The following SLC30A7 variants were observed in gnomAD, a reference collection of about 807,000 sequenced individuals.
The protein encoded by SLC30A7 is zinc transporter 7.
SLC30A7 carries 35 observed loss-of-function variants against 46.0 expected under a neutral mutation model. The observed-to-expected ratio is 0.76, with a 90% CI of 0.58 to 1.01. SLC30A7 has a LOEUF of 1.01. Ranked by LOEUF, SLC30A7 falls within the 50% of genes least tolerant of loss-of-function variation. The probability of loss-of-function intolerance (pLI) is 0.00; values close to 1 mark genes in which losing one functional copy is unlikely to be tolerated. For synonymous variants in SLC30A7, 147 were observed against 157.8 expected, an observed-to-expected ratio of 0.93 and a Z score of 0.51; for missense variants, 464 against 451.1, an observed-to-expected ratio of 1.03 and a Z score of -0.26.
At chr1:100,915,108 C>CTTTTTCTTT (rs1652394905) in intron 6 of SLC30A7, among the ~76,000 whole-genome samples, 1 of 151,944 alleles carries the variant, frequency 6.6e-6, no homozygotes, top group Non-Finnish European at 1.5e-5. Flanking sequence ...ACTCTCAATT[C>CTTTTTCTTT]TTTCTTTTCT....
chr1:100,945,125 T>C (rs1338457015), intron 8 of SLC30A7, among the ~76,000 whole-genome samples: 1 of 152,210 alleles, frequency 6.6e-6, no homozygotes, highest in African/African-American at 2.4e-5. Flanking sequence ...CTCCCACTTT[T>C]TGATGGGGTT....
chr1:100,962,809 G>A (rs926810347), intron 9 of SLC30A7, among the ~76,000 whole-genome samples: 4 of 152,196 alleles, frequency 2.6e-5, no homozygotes, highest in African/African-American at 9.7e-5. Context: ...CAGTTATGAA[G>A]TTATTGTCCT....
chr1:100,953,782 T>G (rs758375981), intron 8 of SLC30A7, among the ~76,000 whole-genome samples: 1 of 152,216 alleles, frequency 6.6e-6, no homozygotes, highest in Non-Finnish European at 1.5e-5. Context: ...AAGATTTAAT[T>G]TTTACTTATA....
At chr1:100,968,487 A>C (rs1655982779) in intron 10 of SLC30A7, among the ~76,000 whole-genome samples, 1 of 152,072 alleles carries the variant, frequency 6.6e-6, no homozygotes, top group African/African-American at 2.4e-5. Context: ...GTTTTTTTCC[A>C]AAGTAAAAAG....
intron 3 of SLC30A7, among the ~76,000 whole-genome samples, chr1:100,910,787 T>C (rs1652031086): frequency 6.6e-6 from 1 of 152,186 alleles, no homozygotes; most frequent in Non-Finnish European, 1.5e-5. Context: ...TAAATTTCTG[T>C]GAAAGGTCTT....
At chr1:100,943,714 T>C (rs983313766) in intron 8 of SLC30A7, among the ~76,000 whole-genome samples, 1 of 152,216 alleles carries the variant, frequency 6.6e-6, no homozygotes, top group African/African-American at 2.4e-5. Flanking sequence ...AGACCAAATA[T>C]GTATTTTGTA....
Position 100,941,508 on chromosome 1 carries a change from C to A in SLC30A7, c.842+19667C>A, listed in dbSNP as rs879021665. 2.1e-4 allele frequency: 110 copies of A among 520,810 alleles called. 3 individuals carry two copies. Among genetic ancestry groups the A allele is most frequent in the South Asian group, 7.6e-4 (50 of 65,924 alleles). 32.3% of individuals were successfully genotyped at this position (520,810 alleles called of 1,614,324 possible). On this transcript the variant is annotated intron_variant, in intron 8 of 10. Coordinates refer to ENST00000357650, the MANE Select transcript of SLC30A7 (RefSeq NM_133496.5). ...ACAGTCTTATCCACAGTCATGCTTACAAAGGCAAAGCCTTTTTTCTTGCCA... is the reference window on the plus strand; with the variant it reads ...ACAGTCTTATCCACAGTCATGCTTAAAAAGGCAAAGCCTTTTTTCTTGCCA...
intron 8 of SLC30A7, among the ~76,000 whole-genome samples, chr1:100,953,579 C>T (rs964056063): frequency 1.1e-4 from 17 of 152,140 alleles, no homozygotes; most frequent in African/African-American, 4.1e-4. Flanking sequence ...TGCCTGTGTC[C>T]ATCCTTACCT....
rs1475486032 is a variant in SLC30A7, at chr1:100,980,805, CTA to C, written c.*5952_*5953del. ...GTGGAACCTGGGTCACTTGAATTTTCTATATTTTGTATGGCCAAATCAGGAAC... is the reference window on the plus strand; with the variant it reads ...GTGGAACCTGGGTCACTTGAATTTTCTATTTTGTATGGCCAAATCAGGAAC... On this transcript the variant is annotated 3_prime_UTR_variant, in exon 11 of 11. Transcript: ENST00000357650. 1 of 151,848 alleles carries C rather than the reference CTA, an allele frequency of 6.6e-6. No homozygotes were observed. The highest frequency in any genetic ancestry group is 1.5e-5 in the Non-Finnish European group (1 of 67,888). The allele number at this position is 151,848 out of a possible 1,614,324, so 9.4% of individuals were successfully genotyped here. A position where few individuals can be genotyped will look rare whatever the true frequency, so the allele number is the denominator to read the frequency against.
At chr1:100,973,959 G>GTTCAAGAGAGAGT (rs1553243503) in intron 10 of SLC30A7, among the ~76,000 whole-genome samples, 1 of 152,128 alleles carries the variant, frequency 6.6e-6, no homozygotes, top group African/African-American at 2.4e-5. Context: ...GTTGAAATGA[G>GTTCAAGAGAGAGT]TTCAAGAGAG....
At chr1:100,972,330 G>T (rs756069906) in intron 10 of SLC30A7, 1 of 292,550 alleles carries the variant, frequency 3.4e-6, no homozygotes, top group South Asian at 3.3e-5. Flanking sequence ...TCCTCATCGG[G>T]CCAGATGGAT....
intron 7 of SLC30A7, 51 bp from the exon 8 acceptor site, chr1:100,921,655 T>C: frequency 6.7e-7 from 1 of 1,482,748 alleles, no homozygotes; most frequent in Non-Finnish European, 9.3e-7. Flanking sequence ...TATATTCGTA[T>C]TTTAAATTAA....
At chr1:100,936,430 T>G (rs1653970722) in intron 8 of SLC30A7, among the ~76,000 whole-genome samples, 1 of 152,214 alleles carries the variant, frequency 6.6e-6, no homozygotes, top group African/African-American at 2.4e-5. Context: ...TATGTACTCT[T>G]AATTTGAAGA....
At chr1:100,898,333 T>C (rs955621926) in intron 2 of SLC30A7, among the ~76,000 whole-genome samples, 1 of 152,212 alleles carries the variant, frequency 6.6e-6, no homozygotes, top group African/African-American at 2.4e-5. Context: ...TGTAGAGATC[T>C]GTTGGGGAGA....
chr1:100,982,231 T>A (rs558654877), downstream of SLC30A7, among the ~76,000 whole-genome samples: 30 of 152,370 alleles, frequency 2.0e-4, no homozygotes, highest in Non-Finnish European at 3.5e-4. Flanking sequence ...GCAGCTTCTT[T>A]ACTATCATCA....
intron 6 of SLC30A7, among the ~76,000 whole-genome samples, chr1:100,915,193 T>C (rs867271620): frequency 2.7e-3 from 244 of 90,830 alleles, no homozygotes; most frequent in African/African-American, 9.6e-3. Flanking sequence ...CTTTTCTTTC[T>C]TTTCTTTCTT....
intron 8 of SLC30A7, among the ~76,000 whole-genome samples, chr1:100,955,819 G>A (rs1429339346): frequency 2.6e-5 from 4 of 151,978 alleles, no homozygotes; most frequent in Admixed American, 2.6e-4. Context: ...AATTATTATA[G>A]AAATTGGCCT....
intron 8 of SLC30A7, among the ~76,000 whole-genome samples, chr1:100,932,747 G>GAA (rs1653731702): frequency 6.6e-6 from 1 of 151,922 alleles, no homozygotes; most frequent in African/African-American, 2.4e-5. Flanking sequence ...ATGAGAGAGA[G>GAA]AAACCTATAC....
chr1:100,911,992 T>A (rs1447689145), intron 4 of SLC30A7, 120 bp from the exon 5 acceptor site: 1 of 861,212 alleles, frequency 1.2e-6, no homozygotes, highest in Non-Finnish European at 1.8e-6. Context: ...TTTGGGAGAT[T>A]TTTTTTAGTG....
Sources: allele counts gnomAD v4.1 joint callset (sites outside exome capture counted in the v4.1 genomes callset), GRCh38; gene constraint gnomAD v4.1.1; transcripts MANE v1.5; gene names NCBI Gene and HGNC (gene_info 2026-07-23, HGNC 2026-07-21).